Variants in CENPH observed in about 807,000 individuals in gnomAD.
The protein encoded by CENPH is centromere protein H, also known as CENP-H.
A neutral mutation model predicts 42.9 loss-of-function variants in CENPH; 40 were observed. The observed-to-expected ratio is 0.93, with a 90% CI of 0.72 to 1.21. CENPH has a LOEUF of 1.21. Ranked by LOEUF, CENPH falls within the 50% of genes most tolerant of loss-of-function variation. The pLI is 0.00. For synonymous variants in CENPH, 88 were observed against 96.5 expected, an observed-to-expected ratio of 0.91 and a Z score of 0.52; for missense variants, 302 against 292.9, an observed-to-expected ratio of 1.03 and a Z score of -0.23.
chr5:69,193,414 G>C (rs1747911602), intron 2 of CENPH, among the ~76,000 whole-genome samples: 1 of 151,772 alleles, frequency 6.6e-6, no homozygotes, highest in Non-Finnish European at 1.5e-5. Context: ...CGAGAGGATT[G>C]CTTGAGCCCA....
intron 7 of CENPH, 118 bp from the exon 8 acceptor site, chr5:69,208,078 T>C (rs2112097525): frequency 2.0e-6 from 1 of 503,672 alleles, no homozygotes; most frequent in East Asian, 3.3e-5. Flanking sequence ...AAAATGCTGC[T>C]TATTAAAATT....
At chr5:69,201,558 G>A (rs111963481) in intron 5 of CENPH, among the ~76,000 whole-genome samples, 6 of 152,278 alleles carry the variant, frequency 3.9e-5, no homozygotes, top group Non-Finnish European at 7.4e-5. Flanking sequence ...TTATACATAT[G>A]TCAAAACCCA....
intron 7 of CENPH, among the ~76,000 whole-genome samples, chr5:69,207,053 TC>T (rs1416589215): frequency 1.4e-4 from 22 of 152,296 alleles, no homozygotes; most frequent in Admixed American, 1.4e-3. Context: ...CATTCCAACC[TC>T]CTTTAATATA....
At chr5:69,202,864 C>T (rs1004706006) in intron 6 of CENPH, 55 bp from the exon 7 acceptor site, 8 of 1,061,554 alleles carry the variant, frequency 7.5e-6, no homozygotes, top group Non-Finnish European at 1.1e-5. Flanking sequence ...TTAAGTATTA[C>T]AGGTTTGTCC....
intron 4 of CENPH, among the ~76,000 whole-genome samples, chr5:69,196,840 G>T (rs1278928642): frequency 6.6e-6 from 1 of 152,012 alleles, no homozygotes; most frequent in Non-Finnish European, 1.5e-5. Flanking sequence ...TTCTGGCAGT[G>T]TATACCCACA....
Position 69,208,226 on chromosome 5 carries a change from T to C in CENPH, c.518T>C (p.Leu173Ser). 6.3e-7 allele frequency: 1 copy of C among 1,580,366 alleles called. No individual in the cohort carries two copies. Among genetic ancestry groups the C allele is most frequent in the Non-Finnish European group, 8.7e-7 (1 of 1,151,976 alleles). ...QLKQASESKL[L>S]EIQTEKNKQK... ...AAACAAGCTTCAGAAAGTAAGCTTT[T>C]AGAAATACAGACTGAAAAGAACAAA... The change falls in exon 8 of 9, where the codon TTA becomes TCA. Residue 173 changes from leucine (L) to serine (S), a missense_variant. Physicochemically the swap from Leu to Ser is moderately radical, Grantham distance 145. Transcript: ENST00000283006.
chr5:69,199,977 G>A (rs1748031510), intron 5 of CENPH, among the ~76,000 whole-genome samples: 1 of 152,022 alleles, frequency 6.6e-6, no homozygotes, highest in Non-Finnish European at 1.5e-5. Flanking sequence ...GCCGGGCGTG[G>A]TGGCAGGTAC....
intron 5 of CENPH, among the ~76,000 whole-genome samples, chr5:69,200,717 A>ATTTTTTTTTTTTTTTTTTTTTTTTTT (rs1554058445): frequency 2.4e-5 from 1 of 40,976 alleles, no homozygotes; most frequent in Non-Finnish European, 5.8e-5. Flanking sequence ...GAATCAGCGT[A>ATTTTTTTTTTTTTTTTTTTTTTTTTT]TCTTTTTTTT....
intron 4 of CENPH, among the ~76,000 whole-genome samples, chr5:69,196,424 C>T (rs1011030609): frequency 1.3e-5 from 2 of 152,170 alleles, no homozygotes; most frequent in Non-Finnish European, 2.9e-5. Context: ...GTGGGTGGAT[C>T]ACCTGAGGTC....
At chr5:69,194,416 A>G (rs1260105858) in intron 2 of CENPH, among the ~76,000 whole-genome samples, 1 of 152,214 alleles carries the variant, frequency 6.6e-6, no homozygotes, top group Non-Finnish European at 1.5e-5. Context: ...AAATACAGAC[A>G]GAATAATGTG....
intron 1 of CENPH, among the ~76,000 whole-genome samples, chr5:69,190,397 A>G (rs1431044410): frequency 6.6e-6 from 1 of 152,172 alleles, no homozygotes; most frequent in Non-Finnish European, 1.5e-5. Flanking sequence ...CGTGAACTCT[A>G]TTAGAAATTC....
chr5:69,199,950 TA>T (rs1319658570), intron 5 of CENPH, among the ~76,000 whole-genome samples: 2 of 151,656 alleles, frequency 1.3e-5, no homozygotes, highest in Admixed American at 1.3e-4. Context: ...CTATCTCTAC[TA>T]AAAATGCAAA....
rs1320677957 is a variant in CENPH, at chr5:69,203,143, C to T, written c.487+173C>T. 2.0e-5 allele frequency among the ~76,000 whole-genome samples: 3 copies of T among 152,148 alleles called. No individual in the cohort carries two copies. The East Asian group carries it at 5.8e-4, about 29-fold the overall frequency. ...TAAAGTACATTTTGTTCTGTTTATT[C>T]TCATTGTTTTAGAACTTTATTTTCG... On this transcript the variant is annotated intron_variant, in intron 7 of 8. Coordinates refer to ENST00000283006, the MANE Select transcript of CENPH (RefSeq NM_022909.4).
intron 7 of CENPH, 54 bp downstream of exon 7, chr5:69,203,024 G>T: frequency 8.6e-7 from 1 of 1,166,260 alleles, no homozygotes; most frequent in South Asian, 1.3e-5. Flanking sequence ...TTTATAGATT[G>T]ATAAGGCCAG....
chr5:69,201,576 G>T (rs1311506347), intron 5 of CENPH, among the ~76,000 whole-genome samples: 2 of 152,176 alleles, frequency 1.3e-5, no homozygotes, highest in Non-Finnish European at 2.9e-5. Flanking sequence ...CCAAAGAATG[G>T]GTGGGGCCTC....
intron 7 of CENPH, among the ~76,000 whole-genome samples, chr5:69,207,238 G>A (rs986676281): frequency 2.6e-5 from 4 of 151,686 alleles, no homozygotes; most frequent in Admixed American, 2.0e-4. Flanking sequence ...TGCCCAGGCT[G>A]GAGTGCAATG....
chr5:69,199,424 C>T (rs1208451468), intron 5 of CENPH, among the ~76,000 whole-genome samples: 1 of 152,204 alleles, frequency 6.6e-6, no homozygotes, highest in Non-Finnish European at 1.5e-5. Context: ...GATCCACCTG[C>T]GTTGGCCTTC....
chr5:69,206,696 ATGTTGGCCAGGTT>A (rs1446217688), intron 7 of CENPH, among the ~76,000 whole-genome samples: 2 of 151,858 alleles, frequency 1.3e-5, no homozygotes, highest in African/African-American at 4.8e-5. Context: ...GGGTTTCATC[ATGTTGGCCAGGTT>A]GGTCTCCAAC....
chr5:69,198,401 T>C (rs975513441), intron 5 of CENPH, among the ~76,000 whole-genome samples: 9 of 152,016 alleles, frequency 5.9e-5, no homozygotes, highest in South Asian at 2.1e-4. Flanking sequence ...GCAATTCTCG[T>C]GCCTCAGCCT....
Sources: gnomAD v4.1 joint callset for allele counts (sites outside exome capture counted in the v4.1 genomes callset) on GRCh38, gnomAD v4.1.1 for gene constraint, MANE v1.5 for transcripts, NCBI Gene and HGNC (gene_info 2026-07-23, HGNC 2026-07-21) for gene names.